TENM1: variants seen among roughly 807,000 people sequenced by gnomAD.
TENM1 encodes teneurin-1.
Under a neutral mutation model 174.8 loss-of-function variants are expected in TENM1, and 35 were observed. The observed-to-expected ratio is 0.20, with a 90% CI of 0.15 to 0.27. The LOEUF (loss-of-function observed/expected upper bound fraction) is 0.27, where lower values mean the gene tolerates loss of function less well. Ranked by LOEUF, TENM1 falls within the 10% of genes least tolerant of loss-of-function variation. The pLI, the probability that TENM1 is intolerant of heterozygous loss-of-function variation, is 1.00. For missense variants in TENM1, 1,633 were observed against 2,130.1 expected (o/e 0.77, Z 4.59); for synonymous variants, 781 against 798.7 (o/e 0.98, Z 0.37).
At chrX:124,498,568 T>A (rs921078507) in intron 19 of TENM1, among the ~76,000 whole-genome samples, 9 of 109,194 alleles carry the variant, frequency 8.2e-5, no homozygotes, top group Non-Finnish European at 1.7e-4. Context: ...TTCACCTACT[T>A]CCATTCCTCT....
intron 12 of TENM1, among the ~76,000 whole-genome samples, chrX:124,564,743 AAATT>A (rs2048903432): frequency 1.8e-5 from 2 of 112,049 alleles, no homozygotes; most frequent in South Asian, 7.5e-4. Flanking sequence ...ATCACATGAT[AAATT>A]AATTATTACA....
At chrX:124,703,371 T>C (rs1203613054) in intron 5 of TENM1, among the ~76,000 whole-genome samples, 1 of 112,130 alleles carries the variant, frequency 8.9e-6, no homozygotes, top group East Asian at 2.8e-4. Context: ...ATGAAATGAA[T>C]AAACATACAA....
chrX:124,460,852 AG>A (rs1353898251), intron 22 of TENM1, among the ~76,000 whole-genome samples: 1 of 111,474 alleles, frequency 9.0e-6, no homozygotes, highest in Non-Finnish European at 1.9e-5. Flanking sequence ...GCTTTACCAC[AG>A]GGATGGGGTA....
Position 124,391,409 on chromosome X carries a change from C to T in TENM1, c.5688+643G>A, listed in dbSNP as rs377163532. On this transcript the variant is annotated intron_variant, in intron 28 of 31. Coordinates refer to ENST00000422452, the Ensembl canonical transcript of TENM1. ...CCTCTGGTACCAATCTGGCCAGAAA[C>T]CATTTTGCTCTGTAGGGGCTGATGT... Among the ~76,000 whole-genome samples the T allele has an allele frequency of 2.4e-4, 27 of 111,528 alleles. No homozygotes were observed. In the East Asian group the frequency reaches 2.5e-3, roughly 11 times the overall value.
At chrX:125,068,142 A>G in the TENM1 span, among the ~76,000 whole-genome samples, 2 of 111,850 alleles carry the variant, frequency 1.8e-5, no homozygotes, top group Non-Finnish European at 3.8e-5. Context: ...AAAGCAAGCT[A>G]AAATGAAAAG....
the TENM1 span, among the ~76,000 whole-genome samples, chrX:125,188,553 G>A: frequency 9.0e-5 from 10 of 111,710 alleles, no homozygotes; most frequent in South Asian, 3.7e-3. Context: ...AAAAATCTCA[G>A]TAGTAAGAGT....
chrX:124,914,828 C>T (rs1027884622), intron 1 of TENM1, among the ~76,000 whole-genome samples: 1 of 111,826 alleles, frequency 8.9e-6, no homozygotes, highest in Non-Finnish European at 1.9e-5. Flanking sequence ...AGACAGAATG[C>T]TAAAAACTAA....
intron 3 of TENM1, among the ~76,000 whole-genome samples, chrX:124,842,177 CT>C (rs746149556): frequency 6.9e-4 from 77 of 111,593 alleles, no homozygotes; most frequent in Middle Eastern, 4.6e-3. Context: ...CTGCCTAGAA[CT>C]CCATATTACC....
intron 19 of TENM1, among the ~76,000 whole-genome samples, chrX:124,497,647 G>A (rs941328682): frequency 2.7e-5 from 3 of 111,179 alleles, no homozygotes; most frequent in Non-Finnish European, 3.8e-5. Flanking sequence ...GCACATACCC[G>A]TCTGACTTCA....
At chrX:125,156,221 C>T in the TENM1 span, among the ~76,000 whole-genome samples, 1 of 112,034 alleles carries the variant, frequency 8.9e-6, no homozygotes, top group African/African-American at 3.2e-5. Flanking sequence ...TTGTAACCAT[C>T]CGCAGGCCTC....
chrX:125,159,572 G>C, the TENM1 span, among the ~76,000 whole-genome samples: 2 of 111,870 alleles, frequency 1.8e-5, no homozygotes, highest in South Asian at 7.4e-4. Context: ...ATCCAAATAT[G>C]CTTGCCTATT....
intron 19 of TENM1, among the ~76,000 whole-genome samples, chrX:124,501,835 C>T (rs1439524791): frequency 9.0e-5 from 10 of 111,706 alleles, no homozygotes; most frequent in Admixed American, 7.6e-4. Context: ...GAGAGGTTTT[C>T]GTGTCCAAGG....
At chrX:125,180,762 C>A in the TENM1 span, among the ~76,000 whole-genome samples, 1 of 111,351 alleles carries the variant, frequency 9.0e-6, no homozygotes, top group Non-Finnish European at 1.9e-5. Context: ...CTTATCTCTT[C>A]TCATGCTTAC....
At chrX:124,803,605 T>A (rs2055511413) in intron 3 of TENM1, among the ~76,000 whole-genome samples, 2 of 112,438 alleles carry the variant, frequency 1.8e-5, no homozygotes, top group Admixed American at 1.9e-4. Context: ...TACCTAGTTG[T>A]ATGCTTATTT....
At chrX:124,490,849 G>C (rs2047051124) in intron 20 of TENM1, among the ~76,000 whole-genome samples, 1 of 111,896 alleles carries the variant, frequency 8.9e-6, no homozygotes, top group African/African-American at 3.2e-5. Context: ...TTACATATTT[G>C]AATTCTTGCA....
At chrX:124,917,905 G>A (rs2057953331) in intron 1 of TENM1, among the ~76,000 whole-genome samples, 1 of 112,000 alleles carries the variant, frequency 8.9e-6, no homozygotes, top group Non-Finnish European at 1.9e-5. Flanking sequence ...TAATCTATAG[G>A]CTTAGAATTC....
At chrX:124,586,109 C>A (rs2049502642) in intron 11 of TENM1, among the ~76,000 whole-genome samples, 1 of 109,609 alleles carries the variant, frequency 9.1e-6, no homozygotes, top group Non-Finnish European at 1.9e-5. Flanking sequence ...ACCAGAGGTA[C>A]AAGGAGGAAC....
chrX:124,816,553 T>C (rs1269974287), intron 3 of TENM1, among the ~76,000 whole-genome samples: 6 of 111,847 alleles, frequency 5.4e-5, no homozygotes. Flanking sequence ...TCTTATTTCA[T>C]GTCTGAATTT....
At chrX:125,010,165 C>G in the TENM1 span, among the ~76,000 whole-genome samples, 1 of 111,405 alleles carries the variant, frequency 9.0e-6, no homozygotes, top group Non-Finnish European at 1.9e-5. Context: ...AGCTGATAAG[C>G]AACTTCAGCA....
Sources: gnomAD v4.1 joint callset for allele counts (sites outside exome capture counted in the v4.1 genomes callset) on GRCh38, gnomAD v4.1.1 for gene constraint, MANE v1.5 for transcripts, NCBI Gene and HGNC (gene_info 2026-07-23, HGNC 2026-07-21) for gene names.